The following EIF4G2 variants were observed in gnomAD, a reference collection of about 807,000 sequenced individuals.
EIF4G2 encodes the protein DAP-5.
EIF4G2 carries 8 observed loss-of-function variants against 117.7 expected under a neutral mutation model. The observed-to-expected ratio is 0.07, with a 90% CI of 0.04 to 0.12. The LOEUF is 0.12. Among genes scored for constraint, EIF4G2 ranks in the 10% least tolerant of loss-of-function variants. EIF4G2 has a pLI of 1.00. For missense variants in EIF4G2, 812 were observed against 1,086.2 expected (o/e 0.75, Z 3.55); for synonymous variants, 413 against 367.8 (o/e 1.12, Z -1.41).
rs140144694 is a variant in EIF4G2 at position 10,800,214 on chromosome 11, T to C, written c.1995A>G (p.Leu665=). The C allele has an allele frequency of 6.8e-6, 11 of 1,614,094 alleles. No individual in the cohort carries two copies. In the African/African-American group the frequency reaches 1.2e-4, roughly 18 times the overall value. Reference sequence around the variant, plus strand: ...AGAGAGGAAAATGGGTGCCACTTTCTAGTGGTTGAGCTAGTTCTGAAATGC... The same window carrying C: ...AGAGAGGAAAATGGGTGCCACTTTCCAGTGGTTGAGCTAGTTCTGAAATGC... The change falls in exon 18 of 22, where the codon CTA becomes CTG. Residue 665 remains leucine (L), a synonymous_variant. Coordinates refer to ENST00000339995, the MANE Select transcript of EIF4G2 (RefSeq NM_001418.4).
chr11:10,808,885 G>A lies in EIF4G2; in HGVS notation c.-267C>T, dbSNP rs556960764. ...GAGTCGCTGCTGCAGCCGCCACTCGGTACCCGCTGCCACCTCCATAGAGCT... is the reference window on the plus strand; with the variant it reads ...GAGTCGCTGCTGCAGCCGCCACTCGATACCCGCTGCCACCTCCATAGAGCT... On this transcript the variant is annotated 5_prime_UTR_variant, in exon 1 of 22. Coordinates refer to ENST00000339995, the MANE Select transcript of EIF4G2 (RefSeq NM_001418.4). The A allele has an allele frequency of 6.7e-3, 1,055 of 157,324 alleles. 12 individuals carry two copies. Among genetic ancestry groups the A allele is most frequent in the African/African-American group, 0.024 (1,013 of 41,574 alleles). 9.7% of individuals were successfully genotyped at this position (157,324 alleles called of 1,614,324 possible). A position where few individuals can be genotyped will look rare whatever the true frequency, so the allele number is the denominator to read the frequency against.
intron 18 of EIF4G2, 77 bp downstream of exon 18, chr11:10,800,013 A>C (rs1046390798): frequency 6.6e-7 from 1 of 1,514,818 alleles, no homozygotes; most frequent in East Asian, 2.3e-5. Flanking sequence ...TCTGACCTAC[A>C]TAAATCCACT....
In EIF4G2 at chr11:10,797,123, T is replaced by C. The variant is rs1488669200; in HGVS notation, c.*693A>G. On this transcript the variant is annotated 3_prime_UTR_variant, in exon 22 of 22. Coordinates refer to ENST00000339995, the MANE Select transcript of EIF4G2 (RefSeq NM_001418.4). The surrounding 1 kb of genome is among the most constrained non-coding windows in gnomAD (Gnocchi z 4.5). ...AGGGCATGAACATGACTTGATAAAT[T>C]AAGTAGACTTAATTTCAATACTATA... 2 of 152,626 alleles carry C rather than the reference T, an allele frequency of 1.3e-5. No homozygotes were observed. The highest frequency in any genetic ancestry group is 2.4e-5 in the African/African-American group (1 of 41,426). 9.5% of individuals were successfully genotyped at this position (152,626 alleles called of 1,614,324 possible).
intron 1 of EIF4G2, chr11:10,808,381 C>A (rs918483245): frequency 8.1e-6 from 10 of 1,233,308 alleles, no homozygotes; most frequent in Non-Finnish European, 1.0e-5. Flanking sequence ...ACGGCGCTAG[C>A]GGTCCGAGCC....
chr11:10,808,279 C>T, intron 1 of EIF4G2: 1 of 1,217,724 alleles, frequency 8.2e-7, no homozygotes, highest in Non-Finnish European at 1.0e-6. Flanking sequence ...CTACACACCT[C>T]CCCGCCGGGA....
chr11:10,801,841 C>T, intron 13 of EIF4G2, 67 bp from the exon 14 acceptor site: 1 of 1,462,230 alleles, frequency 6.8e-7, no homozygotes. Flanking sequence ...AATCAAGTAC[C>T]AAAGGGATGA....
Position 10,807,017 on chromosome 11 carries a change from CTGTATTTTAGTGCT to C in EIF4G2, c.42-146_42-133del, listed in dbSNP as rs796297832. 1.4e-5 allele frequency: 17 copies of C among 1,206,300 alleles called. No individual in the cohort carries two copies. The African/African-American group carries it at 2.4e-4, about 17-fold the overall frequency. The allele number at this position is 1,206,300 out of a possible 1,614,324, so 74.7% of individuals were successfully genotyped here. On this transcript the variant is annotated intron_variant, in intron 2 of 21. Coordinates refer to ENST00000339995, the MANE Select transcript of EIF4G2 (RefSeq NM_001418.4). Reference sequence around the variant, plus strand: ...TATTTTGCCCAGACTGGAGCCAGGCCTGTATTTTAGTGCTTGTATATTATGCTACAAATGAAGAC... The same window carrying C: ...TATTTTGCCCAGACTGGAGCCAGGCCTGTATATTATGCTACAAATGAAGAC...
Position 10,799,086 on chromosome 11 carries a change from A to C in EIF4G2, c.2564T>G (p.Phe855Cys). ...TTCTTCAATAATTTCCATGTCATAG[A>C]AGTGCACAAAAAAGCGAAGTAACAT... The change falls in exon 21 of 22, where the codon TTC becomes TGC. Residue 855 changes from phenylalanine to cysteine, a missense_variant. Physicochemically the swap from Phe to Cys is radical, Grantham distance 205. Transcript: ENST00000339995. 6.3e-7 allele frequency: 1 copy of C among 1,595,978 alleles called. No homozygotes were observed. The highest frequency in any genetic ancestry group is 8.5e-7 in the Non-Finnish European group (1 of 1,175,626).
In EIF4G2 at chr11:10,803,670, CACTG is replaced by C; in HGVS notation, c.703-84_703-81del. The stretch of plus-strand genomic sequence containing the variant: ...AGTACTTTCTTTCCCTTTATGTTTG[CACTG>C]ACTCATTCACAGTTCCTACAGAATC... On this transcript the variant is annotated intron_variant, in intron 8 of 21. Transcript: ENST00000339995. The surrounding 1 kb of genome is among the most constrained non-coding windows in gnomAD (Gnocchi z 4.0). 3.8e-6 allele frequency: 5 copies of C among 1,309,500 alleles called. No homozygotes were observed. Among genetic ancestry groups the C allele is most frequent in the Non-Finnish European group, 5.4e-6 (5 of 919,480 alleles). 81.1% of individuals were successfully genotyped at this position (1,309,500 alleles called of 1,614,324 possible).
chr11:10,801,598 T>A (rs540978170), intron 14 of EIF4G2, 63 bp downstream of exon 14: 1 of 1,429,676 alleles, frequency 7.0e-7, no homozygotes, highest in South Asian at 1.1e-5. Flanking sequence ...CTTTTTATAA[T>A]CATCGGGCAA....
At chr11:10,806,272 G>A in intron 3 of EIF4G2, 1 of 591,498 alleles carries the variant, frequency 1.7e-6, no homozygotes, top group South Asian at 2.2e-5. Flanking sequence ...TCACTGGTTT[G>A]GGGTGGGGCC....
rs536392971 is a variant in EIF4G2, at chr11:10,803,340, G to A, written c.814-46C>T. ...TCATTGGAAGAGCTAAAGCAAATGT[G>A]TTCAATTTACAGCTTTAAGACTTCT... On this transcript the variant is annotated intron_variant, in intron 9 of 21. Coordinates refer to ENST00000339995, the MANE Select transcript of EIF4G2 (RefSeq NM_001418.4). The surrounding 1 kb of genome is among the most constrained non-coding windows in gnomAD (Gnocchi z 4.0). The A allele has an allele frequency of 1.8e-5, 29 of 1,598,304 alleles. No individual in the cohort carries two copies. Among genetic ancestry groups the A allele is most frequent in the Non-Finnish European group, 2.3e-5 (27 of 1,169,024 alleles).
rs1314603763 is a variant in EIF4G2, at chr11:10,802,130, G to A, written c.1218C>T (p.Leu406=). 1.7e-5 allele frequency: 23 copies of A among 1,387,340 alleles called. No homozygotes were observed. The highest frequency in any genetic ancestry group is 5.1e-5 in the African/African-American group (2 of 39,234). 85.9% of individuals were successfully genotyped at this position (1,387,340 alleles called of 1,614,324 possible). A position where few individuals can be genotyped will look rare whatever the true frequency, so the allele number is the denominator to read the frequency against. ...TGATGTGTCCCCCATGGCCATTGAA[G>A]AGTTGATTTGAACGATGACGTCCCA... is the stretch of plus-strand genomic sequence containing the variant. Residue 406 remains leucine (L), a synonymous_variant, in exon 13 of 22, where the codon CTC becomes CTT. Transcript: ENST00000339995.
rs1369849700 is a variant in EIF4G2 at position 10,806,022 on chromosome 11, G to C, written c.133C>G (p.Gln45Glu). Residue 45 changes from glutamine (Q) to glutamate (E), a missense_variant, in exon 4 of 22, where the codon CAA (glutamine) becomes GAA (glutamate). Gln to Glu is a conservative substitution (Grantham distance 29). This residue lies in a region of EIF4G2 where 79 missense variants were observed against 91.5 expected (regional missense o/e 0.86). Coordinates refer to ENST00000339995, the MANE Select transcript of EIF4G2 (RefSeq NM_001418.4). ...GCAGGAATCCATTTCTGAGCGTTTT[G>C]CCCTGGGGTTTTCCCCAGGAACTCG... 5.6e-6 allele frequency: 9 copies of C among 1,613,676 alleles called. No individual in the cohort carries two copies. Among genetic ancestry groups the C allele is most frequent in the Non-Finnish European group, 7.6e-6 (9 of 1,179,838 alleles).
At chr11:10,799,514 A>G (rs769814412) in intron 19 of EIF4G2, 38 bp downstream of exon 19, 74 of 1,610,020 alleles carry the variant, frequency 4.6e-5, no homozygotes, top group African/African-American at 8.0e-5. Context: ...TTTCCAGTAC[A>G]TGAAACATTA....
At position 10,799,324 on chromosome 11, in the gene EIF4G2, G is replaced by A. The variant is rs764289452; in HGVS notation, c.2425C>T (p.Leu809=). Reference sequence around the variant, plus strand: ...TGCATTACTGGCTTGAAAGATAGTAGTAGTTGTTTTTCCTGCTCTAACTGT... The same window carrying A: ...TGCATTACTGGCTTGAAAGATAGTAATAGTTGTTTTTCCTGCTCTAACTGT... The change falls in exon 20 of 22, where the codon CTA becomes TTA. Residue 809 remains leucine (L), a synonymous_variant. Coordinates refer to ENST00000339995, the MANE Select transcript of EIF4G2 (RefSeq NM_001418.4). 4 of 1,614,024 alleles carry A rather than the reference G, an allele frequency of 2.5e-6. No individual in the cohort carries two copies. Among genetic ancestry groups the A allele is most frequent in the Admixed American group, 3.3e-5 (2 of 60,018 alleles).
At position 10,797,599 on chromosome 11, in the gene EIF4G2, A is replaced by G. The variant is rs973685695; in HGVS notation, c.*217T>C. 2 of 562,378 alleles carry G rather than the reference A, an allele frequency of 3.6e-6. No individual in the cohort carries two copies. The highest frequency in any genetic ancestry group is 6.7e-5 in the Admixed American group (2 of 29,842). The allele number at this position is 562,378 out of a possible 1,614,324, so 34.8% of individuals were successfully genotyped here. A position where few individuals can be genotyped will look rare whatever the true frequency, so the allele number is the denominator to read the frequency against. Reference sequence around the variant, plus strand: ...TTGCATGCTGCTAATATACTATCTAAACATTAAAGATACTCCTAAAATATT... The same window carrying G: ...TTGCATGCTGCTAATATACTATCTAGACATTAAAGATACTCCTAAAATATT... On this transcript the variant is annotated 3_prime_UTR_variant, in exon 22 of 22. Coordinates refer to ENST00000339995, the MANE Select transcript of EIF4G2 (RefSeq NM_001418.4). The surrounding 1 kb of genome is among the most constrained non-coding windows in gnomAD (Gnocchi z 4.5).
intron 20 of EIF4G2, 28 bp from the exon 21 acceptor site, chr11:10,799,141 G>C (rs750287938): frequency 3.3e-6 from 5 of 1,508,532 alleles, no homozygotes; most frequent in Non-Finnish European, 4.5e-6. Context: ...AAAGAAAAAA[G>C]TAATAAGCCC....
chr11:10,804,749 T>G, intron 5 of EIF4G2, 164 bp downstream of exon 5: 2 of 641,468 alleles, frequency 3.1e-6, no homozygotes, highest in Non-Finnish European at 2.7e-6. Flanking sequence ...CTAATGCTAC[T>G]AAAGTCAGTG....
Sources: allele counts gnomAD v4.1 joint callset, GRCh38; gene constraint gnomAD v4.1.1; regional missense constraint gnomAD v4.1.1; non-coding constraint Gnocchi (gnomAD v3.1); transcripts MANE v1.5; gene names NCBI Gene and HGNC (gene_info 2026-07-23, HGNC 2026-07-21).